EPHA5: variants seen among roughly 807,000 people sequenced by gnomAD.
The protein encoded by EPHA5 is ephrin type-A receptor 5.
A neutral mutation model predicts 105.0 loss-of-function variants in EPHA5; 60 were observed. The ratio of observed to expected loss-of-function variants is 0.57; its 90% CI spans 0.46 to 0.71. EPHA5 has a LOEUF of 0.71. EPHA5 is among the 30% of genes least tolerant of loss of function. EPHA5 has a pLI of 0.00. For synonymous variants in EPHA5, 513 were observed against 449.1 expected, an observed-to-expected ratio of 1.14 and a Z score of -1.80; for missense variants, 1,218 against 1,274.7, an observed-to-expected ratio of 0.96 and a Z score of 0.68.
chr4:65,574,629 C>CATATATATATACATAT (rs1740628622), intron 3 of EPHA5, among the ~76,000 whole-genome samples: 7 of 78,694 alleles, frequency 8.9e-5, no homozygotes, highest in African/African-American at 1.3e-4. Context: ...TATATATACA[C>CATATATATATACATAT]ATATATATAT....
At chr4:65,484,604 T>G (rs557348318) in intron 5 of EPHA5, among the ~76,000 whole-genome samples, 1 of 152,282 alleles carries the variant, frequency 6.6e-6, no homozygotes, top group African/African-American at 2.4e-5. Flanking sequence ...ATGTGTCTGT[T>G]TCGGCCCAGA....
chr4:65,328,156 T>C (rs1477039628), intron 16 of EPHA5, among the ~76,000 whole-genome samples: 1 of 151,124 alleles, frequency 6.6e-6, no homozygotes, highest in African/African-American at 2.4e-5. Context: ...ATTCTAGTGA[T>C]AACGAATTAT....
intron 7 of EPHA5, among the ~76,000 whole-genome samples, chr4:65,410,009 T>G (rs1336446694): frequency 6.6e-6 from 1 of 152,204 alleles, no homozygotes; most frequent in Admixed American, 6.5e-5. Context: ...GGCAGTTTCT[T>G]ACAAAATTAG....
intron 8 of EPHA5, among the ~76,000 whole-genome samples, chr4:65,401,287 G>T (rs894978658): frequency 6.6e-6 from 1 of 151,948 alleles, no homozygotes; most frequent in Non-Finnish European, 1.5e-5. Context: ...GACAATCTAG[G>T]TACTGCAGGG....
intron 8 of EPHA5, among the ~76,000 whole-genome samples, chr4:65,380,552 C>T (rs1197006844): frequency 6.6e-6 from 1 of 151,396 alleles, no homozygotes; most frequent in African/African-American, 2.4e-5. Context: ...AATTCTTAAA[C>T]AAGAGATCAT....
At chr4:65,512,622 G>A (rs993489223) in intron 3 of EPHA5, among the ~76,000 whole-genome samples, 1 of 152,044 alleles carries the variant, frequency 6.6e-6, no homozygotes, top group Non-Finnish European at 1.5e-5. Context: ...TACCATGATT[G>A]TAAGTTTTCT....
At chr4:65,500,928 C>A (rs1024802119) in intron 3 of EPHA5, among the ~76,000 whole-genome samples, 8 of 150,976 alleles carry the variant, frequency 5.3e-5, no homozygotes, top group African/African-American at 1.9e-4. Flanking sequence ...CTTTCAAAAG[C>A]ATTGCTGGCC....
At chr4:65,523,092 A>C (rs1297267604) in intron 3 of EPHA5, among the ~76,000 whole-genome samples, 2 of 152,098 alleles carry the variant, frequency 1.3e-5, no homozygotes, top group Admixed American at 1.3e-4. Flanking sequence ...TCAGTCACAC[A>C]GCACTGGTGG....
chr4:65,669,711 C>T lies in EPHA5; in HGVS notation c.32G>A (p.Arg11His), dbSNP rs2149572124. The change falls in exon 1 of 17, where the codon CGC becomes CAC. Residue 11 changes from arginine to histidine, a missense_variant. This residue lies in a region of EPHA5 where 233 missense variants were observed against 227.5 expected (regional missense o/e 1.02). Transcript: ENST00000613740. MRGSGPRGAGRRRPPSGGGDT... is the reference protein window; with the variant it reads MRGSGPRGAGHRRPPSGGGDT... ...GCCGCCGCCGCTTGGGGGCCGCCGGCGTCCCGCACCCCGGGGCCCCGAGCC... is the reference window on the plus strand; with the variant it reads ...GCCGCCGCCGCTTGGGGGCCGCCGGTGTCCCGCACCCCGGGGCCCCGAGCC... 1 of 1,288,678 alleles carries T rather than the reference C, an allele frequency of 7.8e-7. No homozygotes were observed. The highest frequency in any genetic ancestry group is 9.8e-7 in the Non-Finnish European group (1 of 1,015,908). 79.8% of individuals were successfully genotyped at this position (1,288,678 alleles called of 1,614,324 possible).
chr4:65,567,151 T>C (rs926813806), intron 3 of EPHA5, among the ~76,000 whole-genome samples: 1 of 151,800 alleles, frequency 6.6e-6, no homozygotes, highest in Non-Finnish European at 1.5e-5. Flanking sequence ...TTCATAGATC[T>C]TTATAAGACA....
At chr4:65,344,970 T>C (rs1206416408) in intron 14 of EPHA5, among the ~76,000 whole-genome samples, 2 of 152,186 alleles carry the variant, frequency 1.3e-5, no homozygotes, top group Admixed American at 6.5e-5. Context: ...GAGAACCAGA[T>C]TGAAATTTCT....
At chr4:65,446,503 G>C (rs1160286205) in intron 5 of EPHA5, among the ~76,000 whole-genome samples, 2 of 152,100 alleles carry the variant, frequency 1.3e-5, no homozygotes, top group African/African-American at 2.4e-5. Flanking sequence ...AAGTAAAAGA[G>C]GCTATTACAA....
At chr4:65,524,704 G>A (rs1322569061) in intron 3 of EPHA5, among the ~76,000 whole-genome samples, 2 of 151,806 alleles carry the variant, frequency 1.3e-5, no homozygotes, top group Admixed American at 6.6e-5. Context: ...TATAAACTGT[G>A]CCATTTCAGT....
chr4:65,542,317 T>A (rs1736920270), intron 3 of EPHA5, among the ~76,000 whole-genome samples: 1 of 151,134 alleles, frequency 6.6e-6, no homozygotes, highest in Non-Finnish European at 1.5e-5. Flanking sequence ...AAAAAATTAA[T>A]AAAATAGATA....
At chr4:65,595,528 T>G (rs2149424780) in intron 3 of EPHA5, among the ~76,000 whole-genome samples, 1 of 152,202 alleles carries the variant, frequency 6.6e-6, no homozygotes, top group Admixed American at 6.5e-5. Context: ...CTAGATAATT[T>G]TATAACCTGT....
chr4:65,575,520 T>A (rs1189630745), intron 3 of EPHA5, among the ~76,000 whole-genome samples: 4 of 152,298 alleles, frequency 2.6e-5, no homozygotes, highest in African/African-American at 9.6e-5. Context: ...GTGGCTTATT[T>A]ACTCACATAA....
chr4:65,595,639 G>A (rs1202378178), intron 3 of EPHA5, among the ~76,000 whole-genome samples: 1 of 147,498 alleles, frequency 6.8e-6, no homozygotes, highest in Non-Finnish European at 1.5e-5. Flanking sequence ...GGAGTGCAGT[G>A]GCGCGATCTC....
intron 8 of EPHA5, among the ~76,000 whole-genome samples, chr4:65,381,363 G>T (rs1719543144): frequency 6.6e-6 from 1 of 151,714 alleles, no homozygotes; most frequent in Non-Finnish European, 1.5e-5. Context: ...TATGTCAAAT[G>T]TGTAAGAGAC....
intron 3 of EPHA5, among the ~76,000 whole-genome samples, chr4:65,592,022 T>G (rs1742712054): frequency 6.6e-6 from 1 of 152,138 alleles, no homozygotes; most frequent in African/African-American, 2.4e-5. Flanking sequence ...ACAGTAATTT[T>G]TTTTAAAATT....
Sources: allele counts gnomAD v4.1 joint callset (sites outside exome capture counted in the v4.1 genomes callset), GRCh38; gene constraint gnomAD v4.1.1; regional missense constraint gnomAD v4.1.1; transcripts MANE v1.5; gene names NCBI Gene and HGNC (gene_info 2026-07-23, HGNC 2026-07-21).